The following GALNT15 variants were observed in gnomAD, a reference collection of about 807,000 sequenced individuals.
The protein encoded by GALNT15 is polypeptide N-acetylgalactosaminyltransferase 15.
Under a neutral mutation model 66.8 loss-of-function variants are expected in GALNT15, and 67 were observed. That is an observed-to-expected ratio of 1.00 (90% confidence interval 0.82 to 1.23). GALNT15 has a LOEUF of 1.23. Among genes scored for constraint, GALNT15 ranks in the 50% most tolerant of loss-of-function variants. The pLI, the probability that GALNT15 is intolerant of heterozygous loss-of-function variation, is 0.00. For synonymous variants in GALNT15, 313 were observed against 311.5 expected (o/e 1.00, Z -0.05); for missense variants, 827 against 804.3 (o/e 1.03, Z -0.34).
Position 16,222,771 on chromosome 3 carries a change from T to G in GALNT15, c.1773+13T>G. On this transcript the variant is annotated intron_variant, in intron 9 of 9. Coordinates refer to ENST00000339732, the MANE Select transcript of GALNT15 (RefSeq NM_054110.5). ...GGACTTCCAGGAGGTGAGTAATCTG[T>G]TCAGGAAGAGCCTGGTAGTGCTGCT... 1 of 1,613,562 alleles carries G rather than the reference T, an allele frequency of 6.2e-7. No individual in the cohort carries two copies. Among genetic ancestry groups the G allele is most frequent in the Non-Finnish European group, 8.5e-7 (1 of 1,179,840 alleles).
downstream of GALNT15, among the ~76,000 whole-genome samples, chr3:16,236,675 C>G (rs1236321008): frequency 6.6e-6 from 1 of 152,176 alleles, no homozygotes; most frequent in Non-Finnish European, 1.5e-5. Context: ...AAGAGGGAAA[C>G]AGTGTATAGC....
downstream of GALNT15, among the ~76,000 whole-genome samples, chr3:16,235,653 G>C (rs949302811): frequency 6.6e-6 from 1 of 152,128 alleles, no homozygotes; most frequent in East Asian, 1.9e-4. Context: ...TCAATATAAA[G>C]TTATTTGCCT....
rs187591757 is a variant in GALNT15 at position 16,217,766 on chromosome 3, G to A, written c.1393-1637G>A. 2.3e-4 allele frequency among the ~76,000 whole-genome samples: 35 copies of A among 152,294 alleles called. No individual in the cohort carries two copies. The East Asian group carries it at 5.8e-3, about 25-fold the overall frequency. ...TCAGTTTATCTCTTTATCAAGGAAA[G>A]TAAAGGTGATAAAACTCATATGAAG... On this transcript the variant is annotated intron_variant, in intron 6 of 9. Transcript: ENST00000339732.
At chr3:16,241,000 C>T in the GALNT15 span, among the ~76,000 whole-genome samples, 212 of 152,236 alleles carry the variant, frequency 1.4e-3, 2 homozygotes, top group East Asian at 0.032. Context: ...CACAGAATGC[C>T]CTTCCCTCCG....
rs7640169 is a variant in GALNT15 at position 16,183,708 on chromosome 3, A to T, written c.539+8018A>T. 0.019 allele frequency among the ~76,000 whole-genome samples: 2,914 copies of T among 152,222 alleles called. 116 individuals are homozygous for T. The highest frequency in any genetic ancestry group is 0.066 in the African/African-American group (2,722 of 41,526). Reference sequence around the variant, plus strand: ...CGAGTGGGGCGCCTCCACTGATTTGATAGGAACTGGGAGTCAGTATCCCCA... The same window carrying T: ...CGAGTGGGGCGCCTCCACTGATTTGTTAGGAACTGGGAGTCAGTATCCCCA... On this transcript the variant is annotated intron_variant, in intron 1 of 9. Transcript: ENST00000339732. This position sits in a 1 kb window ranked among gnomAD's most constrained non-coding sequence, Gnocchi z 5.2.
chr3:16,231,563 T>G (rs2064082167), downstream of GALNT15, among the ~76,000 whole-genome samples: 1 of 152,212 alleles, frequency 6.6e-6, no homozygotes, highest in African/African-American at 2.4e-5. This position sits in a 1 kb window ranked among gnomAD's most constrained non-coding sequence, Gnocchi z 4.1. Flanking sequence ...GCCTGATGGT[T>G]TGGCTTAAAA....
Position 16,227,402 on chromosome 3 carries a change from G to T in GALNT15, c.1822G>T (p.Val608Leu). ...ILSGKCMEAV[V>L]QENNKDLYLR... ...TTCTGGGAAATGCATGGAAGCTGTGGTGCAAGAAAACAATAAAGATTTGTA... is the reference window on the plus strand; with the variant it reads ...TTCTGGGAAATGCATGGAAGCTGTGTTGCAAGAAAACAATAAAGATTTGTA... Residue 608 changes from valine to leucine, a missense_variant, in exon 10 of 10, where the codon GTG becomes TTG. Coordinates refer to ENST00000339732, the MANE Select transcript of GALNT15 (RefSeq NM_054110.5). The surrounding 1 kb of genome is among the most constrained non-coding windows in gnomAD (Gnocchi z 4.5). 1.2e-6 allele frequency: 2 copies of T among 1,614,058 alleles called. No individual in the cohort carries two copies. Among genetic ancestry groups the T allele is most frequent in the South Asian group, 1.1e-5 (1 of 91,064 alleles).
chr3:16,208,731 C>A, intron 4 of GALNT15, 61 bp downstream of exon 4: 2 of 1,489,546 alleles, frequency 1.3e-6, no homozygotes, highest in East Asian at 4.6e-5. Flanking sequence ...CTGCAGCCTG[C>A]CTGCCTGGGG....
At chr3:16,199,169 C>G (rs2063673103) in intron 2 of GALNT15, among the ~76,000 whole-genome samples, 1 of 142,266 alleles carries the variant, frequency 7.0e-6, no homozygotes, top group Non-Finnish European at 1.6e-5. Flanking sequence ...TCCATCTCCA[C>G]TGGCTTGTTC....
In GALNT15 at chr3:16,219,645, C is replaced by G; in HGVS notation, c.1524+111C>G. The G allele has an allele frequency of 6.9e-7, 1 of 1,440,718 alleles. No individual in the cohort carries two copies. The highest frequency in any genetic ancestry group is 9.5e-7 in the Non-Finnish European group (1 of 1,055,794). The allele number at this position is 1,440,718 out of a possible 1,614,324, so 89.2% of individuals were successfully genotyped here. A position where few individuals can be genotyped will look rare whatever the true frequency, so the allele number is the denominator to read the frequency against. On this transcript the variant is annotated intron_variant, in intron 7 of 9. Transcript: ENST00000339732. This position sits in a 1 kb window ranked among gnomAD's most constrained non-coding sequence, Gnocchi z 4.3. Reference sequence around the variant, plus strand: ...TCAACCATTCACGGTTTAGCAGGGCCTCAGAGGCCTTGGGTCCATCCCGTG... The same window carrying G: ...TCAACCATTCACGGTTTAGCAGGGCGTCAGAGGCCTTGGGTCCATCCCGTG...
At position 16,195,747 on chromosome 3, in the gene GALNT15, C is replaced by G. The variant is rs144582000; in HGVS notation, c.540-13C>G. 2,602 of 1,603,096 alleles carry G rather than the reference C, an allele frequency of 1.6e-3. 36 individuals are homozygous for G. In the African/African-American group the frequency reaches 0.03, roughly 18 times the overall value. Reference sequence around the variant, plus strand: ...TTCTCTTCCCCATGGCTCTCTGGCTCTCTTCCCTGCAGGTGTCTGCAGCAG... The same window carrying G: ...TTCTCTTCCCCATGGCTCTCTGGCTGTCTTCCCTGCAGGTGTCTGCAGCAG... On this transcript the variant is annotated splice_polypyrimidine_tract_variant and intron_variant, in intron 1 of 9. Coordinates refer to ENST00000339732, the MANE Select transcript of GALNT15 (RefSeq NM_054110.5). This position sits in a 1 kb window ranked among gnomAD's most constrained non-coding sequence, Gnocchi z 4.6.
rs112698459 is a variant in GALNT15, at chr3:16,208,521, G to C, written c.930G>C (p.Pro310=). ...TTTCCAGGAGCCGAGTGGTATCTCC[G>C]GTGATAGATGTGATTGACTGGAAGA... The part of the protein sequence containing the change: ...IAGDRSRVVS[P]VIDVIDWKTF... Residue 310 remains proline, a synonymous_variant, in exon 4 of 10, where the codon CCG becomes CCC. Transcript: ENST00000339732. 4 of 1,613,976 alleles carry C rather than the reference G, an allele frequency of 2.5e-6. No individual in the cohort carries two copies. The highest frequency in any genetic ancestry group is 3.4e-6 in the Non-Finnish European group (4 of 1,179,938).
intron 3 of GALNT15, among the ~76,000 whole-genome samples, chr3:16,207,501 TAAAA>T (rs36127239): frequency 3.3e-4 from 13 of 39,846 alleles, no homozygotes; most frequent in South Asian, 1.5e-3. Context: ...CTCCAGGCTG[TAAAA>T]AAAAAAAAAA....
chr3:16,233,139 A>C (rs1193567817), downstream of GALNT15, among the ~76,000 whole-genome samples: 1 of 92,284 alleles, frequency 1.1e-5, no homozygotes, highest in Non-Finnish European at 2.1e-5. Flanking sequence ...TGTGTCACCC[A>C]GGCTGGAGTG....
chr3:16,215,498 G>A (rs1489522206), intron 6 of GALNT15, among the ~76,000 whole-genome samples: 7 of 152,124 alleles, frequency 4.6e-5, no homozygotes, highest in Non-Finnish European at 8.8e-5. Flanking sequence ...CTCTAACATC[G>A]AAACAGTAAT....
At chr3:16,212,062 C>T (rs1034125654) in intron 5 of GALNT15, among the ~76,000 whole-genome samples, 7 of 152,102 alleles carry the variant, frequency 4.6e-5, no homozygotes, top group African/African-American at 1.2e-4. Context: ...GAACTCCAGC[C>T]GTTTGGGAGT....
chr3:16,213,579 T>G (rs958962828), intron 6 of GALNT15, among the ~76,000 whole-genome samples: 2 of 152,096 alleles, frequency 1.3e-5, no homozygotes, highest in African/African-American at 4.8e-5. Flanking sequence ...CCTTCCAGAT[T>G]GACCCATAAA....
Position 16,183,684 on chromosome 3 carries a change from G to A in GALNT15, c.539+7994G>A, listed in dbSNP as rs754902383. Among the ~76,000 whole-genome samples, 6 of 152,188 alleles carry A rather than the reference G, an allele frequency of 3.9e-5. No homozygotes were observed. The highest frequency in any genetic ancestry group is 1.3e-4 in the Admixed American group (2 of 15,288). ...AGGGCTGAGATAGAGAAGCCTATCC[G>A]AGTGGGGCGCCTCCACTGATTTGAT... On this transcript the variant is annotated intron_variant, in intron 1 of 9. Coordinates refer to ENST00000339732, the MANE Select transcript of GALNT15 (RefSeq NM_054110.5). This position sits in a 1 kb window ranked among gnomAD's most constrained non-coding sequence, Gnocchi z 5.2.
intron 3 of GALNT15, among the ~76,000 whole-genome samples, chr3:16,201,751 C>T (rs1376250788): frequency 6.6e-6 from 1 of 152,160 alleles, no homozygotes; most frequent in Non-Finnish European, 1.5e-5. Context: ...TGCTCTCCTT[C>T]CCCCATCTGA....
Sources: allele counts gnomAD v4.1 joint callset (sites outside exome capture counted in the v4.1 genomes callset), GRCh38; gene constraint gnomAD v4.1.1; non-coding constraint Gnocchi (gnomAD v3.1); transcripts MANE v1.5; gene names NCBI Gene and HGNC (gene_info 2026-07-23, HGNC 2026-07-21).